XKR9: variants seen among roughly 807,000 people sequenced by gnomAD.
XKR9 encodes the protein XK related 9, also known as XK-related protein 9.
Under a neutral mutation model 32.0 loss-of-function variants are expected in XKR9, and 32 were observed. The ratio of observed to expected loss-of-function variants is 1.00; its 90% CI spans 0.76 to 1.34. XKR9 has a LOEUF of 1.34. Among genes scored for constraint, XKR9 ranks in the 40% most tolerant of loss-of-function variants. The pLI is 0.00. For missense variants in XKR9, 546 were observed against 429.7 expected (o/e 1.27, Z -2.39); for synonymous variants, 168 against 143.4 (o/e 1.17, Z -1.22).
chr8:70,698,059 T>C (rs1167737623), intron 3 of XKR9, among the ~76,000 whole-genome samples: 1 of 152,098 alleles, frequency 6.6e-6, no homozygotes, highest in Admixed American at 6.6e-5. Flanking sequence ...ATTTCGTCTA[T>C]TTGATTCTTC....
rs141064385 is a variant in XKR9, at chr8:70,741,285, C to G, written n.352+34132C>G. On this transcript the variant is annotated intron_variant and non_coding_transcript_variant, in intron 2 of 3. Coordinates refer to the XKR9 transcript ENST00000520273. ...GGTTTTATGAGAAGAGGAAGAGAGA[C>G]CTGAGCTAGCACACTCTTGCTGTCA... 3.3e-5 allele frequency among the ~76,000 whole-genome samples: 5 copies of G among 152,316 alleles called. No homozygotes were observed. The East Asian group carries it at 9.6e-4, about 29-fold the overall frequency.
the XKR9 span, among the ~76,000 whole-genome samples, chr8:71,018,611 A>G: frequency 6.6e-6 from 1 of 152,208 alleles, no homozygotes; most frequent in South Asian, 2.1e-4. Flanking sequence ...TTGATTTCCC[A>G]GACCCTGGCA....
chr8:70,819,416 C>G, the XKR9 span, among the ~76,000 whole-genome samples: 3 of 152,208 alleles, frequency 2.0e-5, no homozygotes, highest in Non-Finnish European at 2.9e-5. Context: ...TTTCCATTCT[C>G]TCCTTGAGGG....
At chr8:70,989,274 A>G in the XKR9 span, among the ~76,000 whole-genome samples, 4 of 152,254 alleles carry the variant, frequency 2.6e-5, no homozygotes, top group Non-Finnish European at 5.9e-5. Flanking sequence ...TTTATGGTAA[A>G]TTATGCATAA....
intron 3 of XKR9, among the ~76,000 whole-genome samples, chr8:70,693,472 T>C (rs989076392): frequency 6.6e-6 from 1 of 152,206 alleles, no homozygotes; most frequent in Non-Finnish European, 1.5e-5. Flanking sequence ...TATAGGTTCC[T>C]CTCTCCCTTG....
chr8:71,053,048 AG>A, the XKR9 span, among the ~76,000 whole-genome samples: 1 of 152,230 alleles, frequency 6.6e-6, no homozygotes, highest in Non-Finnish European at 1.5e-5. Context: ...TTAATCACAA[AG>A]GTATAGGTAA....
At chr8:70,874,601 C>A in the XKR9 span, among the ~76,000 whole-genome samples, 2 of 152,148 alleles carry the variant, frequency 1.3e-5, no homozygotes, top group African/African-American at 2.4e-5. Context: ...TTGACTAATT[C>A]TTTAGGACAT....
intron 2 of XKR9, among the ~76,000 whole-genome samples, chr8:70,677,859 T>C (rs947662114): frequency 6.6e-6 from 1 of 152,224 alleles, no homozygotes; most frequent in African/African-American, 2.4e-5. Flanking sequence ...GTAGCTACTA[T>C]TACTACCATC....
intron 4 of XKR9, among the ~76,000 whole-genome samples, chr8:70,722,677 A>G (rs1806322068): frequency 6.6e-6 from 1 of 152,102 alleles, no homozygotes; most frequent in Non-Finnish European, 1.5e-5. Flanking sequence ...TGTTAGTCTG[A>G]TGGGCTTCTC....
At chr8:70,747,757 T>G (rs906894767) in intron 2 of XKR9, among the ~76,000 whole-genome samples, 1 of 152,216 alleles carries the variant, frequency 6.6e-6, no homozygotes, top group African/African-American at 2.4e-5. Flanking sequence ...ACAATTACTT[T>G]TAATTGCAAT....
chr8:70,807,526 A>G, the XKR9 span, among the ~76,000 whole-genome samples: 5 of 152,290 alleles, frequency 3.3e-5, no homozygotes, highest in East Asian at 1.9e-4. Flanking sequence ...CCCATCTCAC[A>G]TGCAAAGACA....
At chr8:70,918,807 T>A in the XKR9 span, among the ~76,000 whole-genome samples, 1 of 120,586 alleles carries the variant, frequency 8.3e-6, no homozygotes, top group African/African-American at 3.3e-5. Context: ...AGATGGAGTC[T>A]TGCTCTGTCG....
chr8:70,744,121 G>T (rs1807025340), intron 2 of XKR9, among the ~76,000 whole-genome samples: 1 of 151,878 alleles, frequency 6.6e-6, no homozygotes, highest in Non-Finnish European at 1.5e-5. Flanking sequence ...GACCACTCTG[G>T]TCAACATGAT....
At chr8:70,858,885 C>T in the XKR9 span, among the ~76,000 whole-genome samples, 1 of 152,150 alleles carries the variant, frequency 6.6e-6, no homozygotes, top group African/African-American at 2.4e-5. Flanking sequence ...AAATCTAAGA[C>T]TCAGAACTAT....
chr8:70,974,556 T>C, the XKR9 span, among the ~76,000 whole-genome samples: 2 of 152,218 alleles, frequency 1.3e-5, no homozygotes, highest in African/African-American at 4.8e-5. Context: ...TCCATGTCCC[T>C]ACAAAGGACA....
At chr8:70,902,743 A>T in the XKR9 span, among the ~76,000 whole-genome samples, 2 of 152,214 alleles carry the variant, frequency 1.3e-5, no homozygotes, top group African/African-American at 2.4e-5. Flanking sequence ...TTGTCCATTC[A>T]GTATGATATT....
chr8:70,706,175 T>C (rs951041137), intron 3 of XKR9, among the ~76,000 whole-genome samples: 1 of 152,136 alleles, frequency 6.6e-6, no homozygotes, highest in Non-Finnish European at 1.5e-5. Flanking sequence ...GGGGGAAGAA[T>C]TCTGGTTGCC....
At chr8:70,935,969 T>C in the XKR9 span, among the ~76,000 whole-genome samples, 1 of 152,100 alleles carries the variant, frequency 6.6e-6, no homozygotes, top group Non-Finnish European at 1.5e-5. Flanking sequence ...CTAATTTATT[T>C]GAGCTTTTTC....
the XKR9 span, among the ~76,000 whole-genome samples, chr8:71,029,602 G>A: frequency 1.3e-5 from 2 of 151,844 alleles, no homozygotes; most frequent in African/African-American, 2.4e-5. Flanking sequence ...TAAAATTTTT[G>A]TTCAAGAAAA....
Sources: allele counts gnomAD v4.1 joint callset (sites outside exome capture counted in the v4.1 genomes callset), GRCh38; gene constraint gnomAD v4.1.1; transcripts MANE v1.5; gene names NCBI Gene and HGNC (gene_info 2026-07-23, HGNC 2026-07-21).